The following PPA1 variants were observed in gnomAD, a reference collection of about 807,000 sequenced individuals.
PPA1 encodes inorganic pyrophosphatase 1.
In PPA1, 23 loss-of-function variants were observed where a neutral mutation model predicts 41.8. The ratio of observed to expected loss-of-function variants is 0.55; its 90% CI spans 0.40 to 0.78. The LOEUF is 0.78. Ranked by LOEUF, PPA1 falls within the 30% of genes least tolerant of loss-of-function variation. The pLI, the probability that PPA1 is intolerant of heterozygous loss-of-function variation, is 0.00. For missense variants in PPA1, 320 were observed against 361.6 expected (o/e 0.89, Z 0.93); for synonymous variants, 101 against 116.8 (o/e 0.86, Z 0.87).
chr10:70,232,583 T>C (rs1379625245), intron 1 of PPA1, among the ~76,000 whole-genome samples: 1 of 152,176 alleles, frequency 6.6e-6, no homozygotes. Flanking sequence ...ACTTTCTCAG[T>C]CTTGTTTCCA....
At chr10:70,232,330 C>A (rs1411170899) in intron 1 of PPA1, among the ~76,000 whole-genome samples, 1 of 152,160 alleles carries the variant, frequency 6.6e-6, no homozygotes, top group Non-Finnish European at 1.5e-5. Flanking sequence ...TGTGGTGACA[C>A]ATTTACGAAC....
Position 70,206,353 on chromosome 10 carries a change from T to C in PPA1, c.726-20A>G. The C allele has an allele frequency of 1.3e-6, 2 of 1,576,842 alleles. No homozygotes were observed. The highest frequency in any genetic ancestry group is 1.7e-6 in the Non-Finnish European group (2 of 1,146,866). The stretch of plus-strand genomic sequence containing the variant: ...TTCATGCTATTAAATAAAACAAAAG[T>C]AGTCATAAGACAAAATAACAAAAAT... On this transcript the variant is annotated intron_variant, in intron 8 of 10. Coordinates refer to ENST00000373232, the MANE Select transcript of PPA1 (RefSeq NM_021129.4).
intron 8 of PPA1, among the ~76,000 whole-genome samples, chr10:70,208,794 CT>C (rs141989298): frequency 0.61 from 76,491 of 126,342 alleles, 22,503 homozygotes; most frequent in Non-Finnish European, 0.7. Flanking sequence ...TTCTCGTACT[CT>C]TTTTTTTTTT....
intron 8 of PPA1, 152 bp downstream of exon 8, chr10:70,209,053 C>G: frequency 2.0e-6 from 1 of 507,562 alleles, no homozygotes; most frequent in Non-Finnish European, 3.4e-6. Flanking sequence ...CTTGGCTTCC[C>G]AAAGTGCTGG....
At chr10:70,233,129 C>G in intron 1 of PPA1, 135 bp downstream of exon 1, 1 of 1,030,556 alleles carries the variant, frequency 9.7e-7, no homozygotes. Flanking sequence ...CCGGCCAGGC[C>G]CCACAACGCG....
chr10:70,224,690 A>T (rs1213867151), intron 2 of PPA1, among the ~76,000 whole-genome samples: 2 of 152,148 alleles, frequency 1.3e-5, no homozygotes, highest in African/African-American at 4.8e-5. Flanking sequence ...CTAGCAGTTA[A>T]GTTCAATGTG....
rs1314089127 is a variant in PPA1 at position 70,220,562 on chromosome 10, TTATA to T, written c.124-1749_124-1746del. 3.1e-5 allele frequency among the ~76,000 whole-genome samples: 2 copies of T among 64,420 alleles called. 1 individual carries two copies. Among genetic ancestry groups the T allele is most frequent in the African/African-American group, 1.3e-4 (2 of 15,052 alleles). 42.3% of individuals were successfully genotyped at this position (64,420 alleles called of 152,430 possible). ...ATTTTTATGTATAATATATATATAA[TTATA>T]TATATAATATATATAATTATATATT... On this transcript the variant is annotated intron_variant, in intron 2 of 10. Coordinates refer to ENST00000373232, the MANE Select transcript of PPA1 (RefSeq NM_021129.4).
chr10:70,203,442 G>C, intron 10 of PPA1: 1 of 381,388 alleles, frequency 2.6e-6, no homozygotes, highest in South Asian at 2.9e-5. Flanking sequence ...TCACTCTCTT[G>C]CCCAGATTGC....
intron 2 of PPA1, among the ~76,000 whole-genome samples, chr10:70,219,274 G>T (rs1252375619): frequency 1.3e-5 from 2 of 152,120 alleles, no homozygotes; most frequent in African/African-American, 2.4e-5. Context: ...ACAGTGGAAA[G>T]AATGTTCCTA....
In PPA1 at chr10:70,232,856, C is replaced by CCG. The variant is rs199812466; in HGVS notation, c.64+407_64+408insCG. On this transcript the variant is annotated intron_variant, in intron 1 of 10. Coordinates refer to ENST00000373232, the MANE Select transcript of PPA1 (RefSeq NM_021129.4). ...ATTAAGGTCTTTAGGAAGTCACTGC[C>CCG]CCCCCCGGCCCGGAGTCGCCTTTTC... 6.4e-4 allele frequency among the ~76,000 whole-genome samples: 97 copies of CCG among 152,072 alleles called. 1 individual carries two copies. Among genetic ancestry groups the CCG allele is most frequent in the African/African-American group, 2.3e-3 (95 of 41,432 alleles).
intron 3 of PPA1, 29 bp from the exon 4 acceptor site, chr10:70,217,960 A>G: frequency 1.3e-6 from 2 of 1,507,368 alleles, no homozygotes; most frequent in Non-Finnish European, 1.8e-6. Context: ...AAATCTTTGC[A>G]TATTTGGATG....
At chr10:70,209,377 T>C (rs2244916) in intron 7 of PPA1, 87 bp from the exon 8 acceptor site, 88,937 of 1,309,450 alleles carry the variant, frequency 0.068, 4,505 homozygotes, top group East Asian at 0.22. Flanking sequence ...ATACTTTGTC[T>C]CTTCTGAATC....
At chr10:70,209,099 T>A in intron 8 of PPA1, 106 bp downstream of exon 8, 1 of 772,512 alleles carries the variant, frequency 1.3e-6, no homozygotes, top group Non-Finnish European at 2.0e-6. Flanking sequence ...CAGCCTTGTA[T>A]CTCTTTTCTA....
At chr10:70,229,534 A>G (rs1249594841) in intron 2 of PPA1, among the ~76,000 whole-genome samples, 4 of 152,242 alleles carry the variant, frequency 2.6e-5, no homozygotes, top group Non-Finnish European at 4.4e-5. Context: ...TCACTGGTGT[A>G]TACAGGAACA....
At chr10:70,226,105 T>TTA (rs1840227513) in intron 2 of PPA1, among the ~76,000 whole-genome samples, 1 of 152,168 alleles carries the variant, frequency 6.6e-6, no homozygotes, top group South Asian at 2.1e-4. Context: ...ATCATTAACT[T>TTA]ATTAAAGTAA....
intron 2 of PPA1, among the ~76,000 whole-genome samples, chr10:70,227,646 A>T (rs1188492127): frequency 1.1e-5 from 1 of 87,464 alleles, no homozygotes; most frequent in Non-Finnish European, 2.1e-5. Flanking sequence ...GTGAAACCCT[A>T]TCTCAAAAAA....
rs1222311641 is a variant in PPA1 at position 70,221,024 on chromosome 10, T to TA, written c.124-2208dup. 1.4e-4 allele frequency among the ~76,000 whole-genome samples: 10 copies of TA among 70,912 alleles called. 2 individuals are homozygous for TA. Among genetic ancestry groups the TA allele is most frequent in the Middle Eastern group, 0.013 (2 of 154 alleles). 46.5% of individuals were successfully genotyped at this position (70,912 alleles called of 152,430 possible). A position where few individuals can be genotyped will look rare whatever the true frequency, so the allele number is the denominator to read the frequency against. ...ATATAACATATATATAATTTATATA[T>TA]ATAATATATATATAAATTATATATA... On this transcript the variant is annotated intron_variant, in intron 2 of 10. Transcript: ENST00000373232.
intron 2 of PPA1, among the ~76,000 whole-genome samples, chr10:70,222,244 G>C (rs544377281): frequency 3.9e-4 from 58 of 150,356 alleles, no homozygotes; most frequent in African/African-American, 1.4e-3. Context: ...GCTGAGGCAG[G>C]AGAATGGCGT....
intron 3 of PPA1, 191 bp downstream of exon 3, chr10:70,218,573 T>G: frequency 1.8e-6 from 1 of 560,904 alleles, no homozygotes; most frequent in Non-Finnish European, 3.1e-6. Context: ...TTGGGGCATA[T>G]TTGTAAACAG....
Sources: allele counts gnomAD v4.1 joint callset (sites outside exome capture counted in the v4.1 genomes callset), GRCh38; gene constraint gnomAD v4.1.1; transcripts MANE v1.5; gene names NCBI Gene and HGNC (gene_info 2026-07-23, HGNC 2026-07-21).